ARID5B: variants seen among roughly 807,000 people sequenced by gnomAD.
ARID5B encodes the protein AT-rich interactive domain-containing protein 5B.
ARID5B carries 13 observed loss-of-function variants against 97.2 expected under a neutral mutation model. The observed-to-expected ratio is 0.13, with a 90% CI of 0.09 to 0.21. ARID5B has a LOEUF of 0.21. ARID5B is among the 10% of genes least tolerant of loss of function. The pLI, the probability that ARID5B is intolerant of heterozygous loss-of-function variation, is 1.00. For synonymous variants in ARID5B, 556 were observed against 570.3 expected (o/e 0.97, Z 0.36); for missense variants, 1,210 against 1,465.3 (o/e 0.83, Z 2.84).
intron 4 of ARID5B, among the ~76,000 whole-genome samples, chr10:62,022,772 A>G (rs563809956): frequency 2.0e-5 from 3 of 152,302 alleles, no homozygotes; most frequent in East Asian, 1.9e-4. Flanking sequence ...CTTGTCTTGT[A>G]AAAAACTGAA....
At chr10:62,046,390 T>C (rs1564635710) in intron 4 of ARID5B, among the ~76,000 whole-genome samples, 1 of 152,218 alleles carries the variant, frequency 6.6e-6, no homozygotes, top group Non-Finnish European at 1.5e-5. Flanking sequence ...TGTGAACCCG[T>C]AGTGAAATAA....
At chr10:61,995,085 AC>A (rs2132860609) in intron 3 of ARID5B, among the ~76,000 whole-genome samples, 2 of 152,298 alleles carry the variant, frequency 1.3e-5, no homozygotes, top group African/African-American at 4.8e-5. Flanking sequence ...CGTATATGTA[AC>A]CCAACCAGCT....
intron 3 of ARID5B, among the ~76,000 whole-genome samples, chr10:61,963,464 G>A (rs538172644): frequency 2.0e-4 from 30 of 152,098 alleles, no homozygotes; most frequent in Non-Finnish European, 3.4e-4. Flanking sequence ...CAGGAAGAGC[G>A]GCATGTCCCT....
At chr10:61,929,180 G>A (rs951600834) in intron 2 of ARID5B, among the ~76,000 whole-genome samples, 1 of 152,214 alleles carries the variant, frequency 6.6e-6, no homozygotes, top group Non-Finnish European at 1.5e-5. Context: ...AGTTGGACTA[G>A]TATTTCGGTG....
chr10:62,069,591 T>C (rs1840035554), intron 7 of ARID5B, 109 bp from the exon 8 acceptor site: 1 of 942,410 alleles, frequency 1.1e-6, no homozygotes, highest in Non-Finnish European at 1.7e-6. Context: ...TCTCTGTTTC[T>C]GGGTTTCCAG....
intron 2 of ARID5B, among the ~76,000 whole-genome samples, chr10:61,914,181 A>C (rs1230751997): frequency 1.3e-5 from 2 of 152,210 alleles, no homozygotes; most frequent in Non-Finnish European, 2.9e-5. Context: ...CTCTAATGGG[A>C]TGCTATTTAT....
intron 7 of ARID5B, among the ~76,000 whole-genome samples, chr10:62,069,262 T>C (rs1393810073): frequency 1.3e-5 from 2 of 152,260 alleles, no homozygotes; most frequent in African/African-American, 2.4e-5. Context: ...GACTCTTTTT[T>C]ACCTCTATAC....
chr10:62,039,669 C>T (rs866574466), intron 4 of ARID5B, among the ~76,000 whole-genome samples: 7 of 152,208 alleles, frequency 4.6e-5, no homozygotes, highest in Non-Finnish European at 7.3e-5. Context: ...ACCGGGCAGC[C>T]GCCTTCTCAG....
At position 61,930,955 on chromosome 10, in the gene ARID5B, C is replaced by T. The variant is rs559772707; in HGVS notation, c.277-9228C>T. On this transcript the variant is annotated intron_variant, in intron 2 of 9. Transcript: ENST00000279873. ...CCAGGAGTCTCATGGCTTCTGCCAA[C>T]ATCCATGAAACTGGCAGGTGAACTT... is the stretch of plus-strand genomic sequence containing the variant. 2.6e-3 allele frequency among the ~76,000 whole-genome samples: 390 copies of T among 152,190 alleles called. 7 individuals are homozygous for T. The highest frequency in any genetic ancestry group is 3.1e-3 in the East Asian group (16 of 5,178).
intron 2 of ARID5B, among the ~76,000 whole-genome samples, chr10:61,903,185 A>AGGGGAGG (rs1355579948): frequency 7.0e-6 from 1 of 143,774 alleles, no homozygotes; most frequent in Non-Finnish European, 1.5e-5. Context: ...GGGGCGGGGG[A>AGGGGAGG]GGGGAGGGCA....
intron 3 of ARID5B, among the ~76,000 whole-genome samples, chr10:61,948,554 G>A (rs187906588): frequency 1.8e-4 from 27 of 152,104 alleles, no homozygotes; most frequent in African/African-American, 6.5e-4. Context: ...TTTTAGTAGA[G>A]ACGGGGCTTC....
chr10:62,022,383 G>A (rs1322616605), intron 4 of ARID5B, among the ~76,000 whole-genome samples: 1 of 152,206 alleles, frequency 6.6e-6, no homozygotes, highest in African/African-American at 2.4e-5. Context: ...AAGGTCCCTG[G>A]AGAATCTCCC....
chr10:61,938,221 G>T (rs1844339550), intron 2 of ARID5B, among the ~76,000 whole-genome samples: 1 of 152,176 alleles, frequency 6.6e-6, no homozygotes, highest in Non-Finnish European at 1.5e-5. Context: ...GGAGGGTGTT[G>T]TAAGCCATCC....
At chr10:61,960,521 A>T (rs1838456527) in intron 3 of ARID5B, among the ~76,000 whole-genome samples, 1 of 152,172 alleles carries the variant, frequency 6.6e-6, no homozygotes. Context: ...CTAAATATTC[A>T]CTTATAAATA....
intron 3 of ARID5B, among the ~76,000 whole-genome samples, chr10:61,994,942 C>CT (rs201311738): frequency 0.01 from 1,589 of 151,928 alleles, 32 homozygotes; most frequent in African/African-American, 0.035. Flanking sequence ...TAGGCATTCA[C>CT]TTTTTTTTGG....
chr10:61,987,330 A>C (rs902121013), intron 3 of ARID5B, among the ~76,000 whole-genome samples: 1 of 152,204 alleles, frequency 6.6e-6, no homozygotes, highest in Admixed American at 6.5e-5. Flanking sequence ...ATTAATTAAA[A>C]ATCTATCATG....
intron 4 of ARID5B, among the ~76,000 whole-genome samples, chr10:62,025,949 C>T (rs755993754): frequency 1.3e-5 from 2 of 151,926 alleles, no homozygotes; most frequent in Admixed American, 6.6e-5. Context: ...CTGGTGAATA[C>T]ACACCAAAGA....
chr10:62,057,284 G>C lies in ARID5B; in HGVS notation c.1014G>C (p.Pro338=). Residue 338 remains proline (P), a synonymous_variant, in exon 6 of 10, where the codon CCG becomes CCC. Coordinates refer to ENST00000279873, the MANE Select transcript of ARID5B (RefSeq NM_032199.3). ...AATACATGAAAGAAAGGAAAACGCC[G>C]ATAGAACGAATACCCTATTTAGGTT... ...LYKYMKERKT[P]IERIPYLGFK... is the part of the protein sequence containing the mutation. The C allele has an allele frequency of 6.2e-7, 1 of 1,613,762 alleles. No homozygotes were observed. Among genetic ancestry groups the C allele is most frequent in the South Asian group, 1.1e-5 (1 of 91,068 alleles).
chr10:61,914,036 C>T (rs561936327), intron 2 of ARID5B, among the ~76,000 whole-genome samples: 14 of 152,354 alleles, frequency 9.2e-5, no homozygotes, highest in African/African-American at 2.6e-4. Context: ...CAGGCGTGAG[C>T]TACCGCGCCC....
Sources: gnomAD v4.1 joint callset for allele counts (sites outside exome capture counted in the v4.1 genomes callset) on GRCh38, gnomAD v4.1.1 for gene constraint, MANE v1.5 for transcripts, NCBI Gene and HGNC (gene_info 2026-07-23, HGNC 2026-07-21) for gene names.